Variants in MCF2 observed in about 807,000 individuals in gnomAD.
The protein encoded by MCF2 is MCF.2 cell line derived transforming sequence.
MCF2 carries 44 observed loss-of-function variants against 82.5 expected under a neutral mutation model. That is an observed-to-expected ratio of 0.53 (90% confidence interval 0.42 to 0.69). The LOEUF (loss-of-function observed/expected upper bound fraction) is 0.69. Among genes scored for constraint, MCF2 ranks in the 30% least tolerant of loss-of-function variants. The pLI, the probability that MCF2 is intolerant of heterozygous loss-of-function variation, is 0.00. For missense variants in MCF2, 623 were observed against 663.1 expected (o/e 0.94, Z 0.66); for synonymous variants, 217 against 224.9 (o/e 0.96, Z 0.32).
At chrX:139,592,756 T>C (rs975308152) in intron 19 of MCF2, among the ~76,000 whole-genome samples, 2 of 111,723 alleles carry the variant, frequency 1.8e-5, no homozygotes, top group African/African-American at 6.5e-5. Flanking sequence ...AAGAAGCTGC[T>C]GTGGGTTCAG....
chrX:139,689,658 T>TTTTTTTTTTTTTTTTTGAGA (rs1569402944), intron 1 of MCF2, among the ~76,000 whole-genome samples: 12 of 108,653 alleles, frequency 1.1e-4, no homozygotes, highest in African/African-American at 3.7e-4. Context: ...ATATCTTATT[T>TTTTTTTTTTTTTTTTTGAGA]CCTTGCCTGG....
intron 1 of MCF2, among the ~76,000 whole-genome samples, chrX:139,635,768 C>T (rs1313931826): frequency 3.6e-5 from 4 of 111,427 alleles, no homozygotes; most frequent in Non-Finnish European, 7.5e-5. Context: ...GCAAAGGTTA[C>T]AGAGACAAAC....
At chrX:139,673,320 T>C (rs1209017259) in intron 1 of MCF2, among the ~76,000 whole-genome samples, 1 of 111,805 alleles carries the variant, frequency 8.9e-6, no homozygotes, top group Non-Finnish European at 1.9e-5. Flanking sequence ...TCTCCTTCAG[T>C]TCTGCTCTGA....
At chrX:139,621,727 T>G (rs1485181258) in intron 6 of MCF2, among the ~76,000 whole-genome samples, 1 of 111,307 alleles carries the variant, frequency 9.0e-6, no homozygotes, top group East Asian at 2.8e-4. Flanking sequence ...CAAAAACTAA[T>G]TCAAGATGGA....
chrX:139,671,471 A>C (rs1203375909), intron 1 of MCF2, among the ~76,000 whole-genome samples: 1 of 111,526 alleles, frequency 9.0e-6, no homozygotes, highest in African/African-American at 3.3e-5. Context: ...TCTTTAATCC[A>C]TCTTGAATTA....
At chrX:139,626,406 C>G in intron 5 of MCF2, 99 bp from the exon 9 acceptor site, 1 of 599,175 alleles carries the variant, frequency 1.7e-6, no homozygotes, top group Admixed American at 3.1e-5. Flanking sequence ...TAGGCAAAGT[C>G]ATAGCCCATG....
At chrX:139,640,518 T>C (rs1332443558) in intron 1 of MCF2, among the ~76,000 whole-genome samples, 2 of 110,977 alleles carry the variant, frequency 1.8e-5, no homozygotes, top group Non-Finnish European at 1.9e-5. Flanking sequence ...CACATATATA[T>C]CTATTCTCCT....
intron 1 of MCF2, among the ~76,000 whole-genome samples, chrX:139,695,445 A>G (rs1432803282): frequency 8.9e-6 from 1 of 112,095 alleles, no homozygotes; most frequent in African/African-American, 3.2e-5. Context: ...TCATGACCTT[A>G]TGTTGATTGA....
chrX:139,611,889 T>C lies in MCF2; in HGVS notation c.1364-1551A>G, dbSNP rs771276613. ...TCTGATAGAGGAGTAGAAGCTAACA[T>C]GTGGGAAAGGGAGAGGAAAGGAAAT... On this transcript the variant is annotated intron_variant, in intron 10 of 24. Coordinates refer to ENST00000370576, the Ensembl canonical transcript of MCF2. Among the ~76,000 whole-genome samples, 13 of 109,822 alleles carry C rather than the reference T, an allele frequency of 1.2e-4. No homozygotes were observed. The South Asian group carries it at 1.9e-3, about 16-fold the overall frequency.
At chrX:139,598,532 A>C (rs773685793) in intron 16 of MCF2, 34 bp from the exon 21 acceptor site, 49 of 830,142 alleles carry the variant, frequency 5.9e-5, no homozygotes, top group Non-Finnish European at 7.3e-5. Flanking sequence ...ATAAAATTAA[A>C]TTAAGACATG....
At chrX:139,693,017 A>G (rs1882494006) in intron 1 of MCF2, among the ~76,000 whole-genome samples, 1 of 111,845 alleles carries the variant, frequency 8.9e-6, no homozygotes, top group South Asian at 3.8e-4. Context: ...AGGCAAGAGG[A>G]GGCAACCCGT....
intron 19 of MCF2, among the ~76,000 whole-genome samples, chrX:139,591,340 CT>C (rs1441226774): frequency 9.0e-6 from 1 of 111,678 alleles, no homozygotes; most frequent in Non-Finnish European, 1.9e-5. Flanking sequence ...ACTCTTTCCC[CT>C]ATTTAAGTTG....
At chrX:139,583,708 A>C (rs998518859) in intron 24 of MCF2, among the ~76,000 whole-genome samples, 2 of 111,884 alleles carry the variant, frequency 1.8e-5, no homozygotes. Flanking sequence ...ATCACGCAGT[A>C]TTCCCATGTA....
At chrX:139,630,359 G>T (rs5954020) in intron 3 of MCF2, among the ~76,000 whole-genome samples, 3,828 of 110,693 alleles carry the variant, frequency 0.035, 172 homozygotes, top group African/African-American at 0.12. Flanking sequence ...ACTCATTTCA[G>T]GTACTATAGA....
At chrX:139,673,059 G>A (rs1221613580) in intron 1 of MCF2, among the ~76,000 whole-genome samples, 60 of 111,443 alleles carry the variant, frequency 5.4e-4, no homozygotes, top group Admixed American at 1.1e-3. Flanking sequence ...TGTATGTGTC[G>A]AGGAATTTAT....
intron 1 of MCF2, chrX:139,702,401 C>G (rs1052279042): frequency 8.9e-6 from 1 of 111,780 alleles, no homozygotes; most frequent in African/African-American, 3.3e-5. Context: ...CTATTCGTGT[C>G]TTGTTCACTA....
At chrX:139,586,634 G>C in intron 22 of MCF2, 147 bp from the exon 27 acceptor site, 2 of 423,578 alleles carry the variant, frequency 4.7e-6, no homozygotes, top group Non-Finnish European at 8.2e-6. Flanking sequence ...ATTTAAATCT[G>C]TGTGGCAATA....
chrX:139,627,766 A>G (rs1036980505), intron 4 of MCF2, among the ~76,000 whole-genome samples: 4 of 112,005 alleles, frequency 3.6e-5, no homozygotes, highest in African/African-American at 1.3e-4. Flanking sequence ...ATCATCACCA[A>G]CCTCACTGTA....
intron 23 of MCF2, among the ~76,000 whole-genome samples, chrX:139,585,827 C>T (rs1239821555): frequency 8.9e-6 from 1 of 112,274 alleles, no homozygotes; most frequent in Non-Finnish European, 1.9e-5. Flanking sequence ...GAATGCAGAT[C>T]ATGCTATGTC....
Sources: allele counts gnomAD v4.1 joint callset (sites outside exome capture counted in the v4.1 genomes callset), GRCh38; gene constraint gnomAD v4.1.1; transcripts MANE v1.5; gene names NCBI Gene and HGNC (gene_info 2026-07-23, HGNC 2026-07-21).